TNRC6A: variants seen among roughly 807,000 people sequenced by gnomAD.
The protein encoded by TNRC6A is trinucleotide repeat containing adaptor 6A, also known as trinucleotide repeat-containing gene 6A protein.
TNRC6A carries 44 observed loss-of-function variants against 221.2 expected under a neutral mutation model. The ratio of observed to expected loss-of-function variants is 0.20; its 90% confidence interval spans 0.16 to 0.26. The LOEUF is 0.26. Ranked by LOEUF, TNRC6A falls within the 10% of genes least tolerant of loss-of-function variation. The probability of loss-of-function intolerance (pLI) is 1.00; values close to 1 mark genes in which losing one functional copy is unlikely to be tolerated. For missense variants in TNRC6A, 2,199 were observed against 2,404.4 expected (o/e 0.91, Z 1.79); for synonymous variants, 847 against 838.5 (o/e 1.01, Z -0.18).
rs2058835927 is a variant in TNRC6A, at chr16:24,824,601, C to T, written c.*794C>T. On this transcript the variant is annotated 3_prime_UTR_variant, in exon 25 of 25. Coordinates refer to ENST00000395799, the MANE Select transcript of TNRC6A (RefSeq NM_014494.4). The stretch of plus-strand genomic sequence containing the variant: ...TTTTTGAGAAAAAAAAATGTTTACT[C>T]TTCCATCATTTAAAAAAAATGTAAA... The T allele has an allele frequency of 6.7e-6, 1 of 150,180 alleles. No individual in the cohort carries two copies. Among genetic ancestry groups the T allele is most frequent in the Non-Finnish European group, 1.5e-5 (1 of 67,428 alleles). 9.3% of individuals were successfully genotyped at this position (150,180 alleles called of 1,614,324 possible).
chr16:24,677,055 C>T (rs911028732), intron 2 of TNRC6A, among the ~76,000 whole-genome samples: 1 of 152,046 alleles, frequency 6.6e-6, no homozygotes, highest in African/African-American at 2.4e-5. Context: ...GTCCAGTTAC[C>T]ACCTGAACAT....
intron 4 of TNRC6A, among the ~76,000 whole-genome samples, chr16:24,759,210 A>G (rs2057312847): frequency 9.5e-6 from 1 of 105,446 alleles, no homozygotes; most frequent in Non-Finnish European, 2.0e-5. Context: ...CAGTGGTGGT[A>G]TTCCTAGAGC....
chr16:24,664,149 C>T (rs185375581), intron 2 of TNRC6A: 40 of 304,818 alleles, frequency 1.3e-4, no homozygotes, highest in East Asian at 6.0e-4. Flanking sequence ...CTGGCCAACA[C>T]GGCGAAACCC....
rs375519736 is a variant in TNRC6A at position 24,651,691 on chromosome 16, T to C, written n.402+10682T>C. On this transcript the variant is annotated intron_variant and non_coding_transcript_variant, in intron 2 of 2. Transcript: ENST00000566108. Reference sequence around the variant, plus strand: ...CTGGGCAACATAGTGAGACACCCCCTCCCCCCGCCATCTTAACAAAAGAAA... The same window carrying C: ...CTGGGCAACATAGTGAGACACCCCCCCCCCCCGCCATCTTAACAAAAGAAA... Among the ~76,000 whole-genome samples, 811 of 131,922 alleles carry C rather than the reference T, an allele frequency of 6.1e-3. 5 individuals carry two copies. Among genetic ancestry groups the C allele is most frequent in the African/African-American group, 0.028 (771 of 27,886 alleles). The allele number at this position is 131,922 out of a possible 152,430, so 86.5% of individuals were successfully genotyped here.
Position 24,740,411 on chromosome 16 carries a change from A to T in TNRC6A, c.53+10111A>T, listed in dbSNP as rs530783251. On this transcript the variant is annotated intron_variant, in intron 2 of 24. Transcript: ENST00000395799. ...GCCAGTGTGGACAGTATTGCATTTT[A>T]TAATATTAAGTCTTCCAGTTCACGA... is the stretch of plus-strand genomic sequence containing the variant. 2.0e-5 allele frequency among the ~76,000 whole-genome samples: 3 copies of T among 152,320 alleles called. No individual in the cohort carries two copies. The South Asian group carries it at 6.2e-4, about 32-fold the overall frequency.
intron 2 of TNRC6A, among the ~76,000 whole-genome samples, chr16:24,643,006 T>C (rs1207781456): frequency 6.7e-6 from 1 of 149,592 alleles, no homozygotes; most frequent in African/African-American, 2.5e-5. Flanking sequence ...ATTGCTCCAC[T>C]GCACTCCAGC....
chr16:24,777,210 G>C lies in TNRC6A; in HGVS notation c.441G>C (p.Gln147His). 6.2e-7 allele frequency: 1 copy of C among 1,614,160 alleles called. No individual in the cohort carries two copies. The highest frequency in any genetic ancestry group is 1.1e-5 in the South Asian group (1 of 91,078). Residue 147 changes from glutamine to histidine, a missense_variant, in exon 5 of 25, where the codon CAG (glutamine) becomes CAC (histidine). Gln to His is a conservative substitution (Grantham distance 24). Coordinates refer to ENST00000395799, the MANE Select transcript of TNRC6A (RefSeq NM_014494.4). Reference sequence around the variant, plus strand: ...GATTTCGCCACCAGGAACACAAACAGCTTCTAAAGAGGGGTCAGCATTTTC... The same window carrying C: ...GATTTCGCCACCAGGAACACAAACACCTTCTAAAGAGGGGTCAGCATTTTC... The part of the protein sequence containing the change: ...PPRFRHQEHK[Q>H]LLKRGQHFPV...
chr16:24,791,954 G>A, intron 6 of TNRC6A, 137 bp downstream of exon 6: 2 of 938,318 alleles, frequency 2.1e-6, no homozygotes, highest in East Asian at 6.2e-5. Flanking sequence ...AATTATAGGG[G>A]TGATGTTTAC....
chr16:24,687,547 G>A (rs141654433), intron 2 of TNRC6A, among the ~76,000 whole-genome samples: 1 of 152,288 alleles, frequency 6.6e-6, no homozygotes, highest in East Asian at 1.9e-4. Context: ...CCAACACTTT[G>A]GGAGGCCAAA....
At chr16:24,625,044 T>C in intron 1 of TNRC6A, among the ~76,000 whole-genome samples, 1 of 152,224 alleles carries the variant, frequency 6.6e-6, no homozygotes, top group South Asian at 2.1e-4. Context: ...CCAGAAATCA[T>C]AGACCTGCTC....
intron 2 of TNRC6A, among the ~76,000 whole-genome samples, chr16:24,674,863 C>T (rs2055377096): frequency 6.6e-6 from 1 of 152,104 alleles, no homozygotes; most frequent in Non-Finnish European, 1.5e-5. Flanking sequence ...ACCCACCAGG[C>T]AGTGGTAGCT....
chr16:24,611,626 C>A (rs1900060575), intron 1 of TNRC6A, among the ~76,000 whole-genome samples: 1 of 152,064 alleles, frequency 6.6e-6, no homozygotes, highest in Non-Finnish European at 1.5e-5. Context: ...GAGTTTGAGG[C>A]CACACCTTTG....
At chr16:24,820,112 C>T (rs570217862) in intron 21 of TNRC6A, 27 bp from the exon 22 acceptor site, 5 of 1,587,832 alleles carry the variant, frequency 3.1e-6, no homozygotes, top group Non-Finnish European at 4.3e-6. Context: ...TATTCCTCCC[C>T]TCTCCATTTT....
At chr16:24,631,255 A>G (rs1901323696) in intron 1 of TNRC6A, among the ~76,000 whole-genome samples, 1 of 152,004 alleles carries the variant, frequency 6.6e-6, no homozygotes, top group Non-Finnish European at 1.5e-5. Flanking sequence ...CATGCCCTAC[A>G]ACTGCTTGAG....
At chr16:24,817,716 T>C (rs2058683142) in intron 20 of TNRC6A, among the ~76,000 whole-genome samples, 1 of 152,214 alleles carries the variant, frequency 6.6e-6, no homozygotes, top group African/African-American at 2.4e-5. Context: ...TTAAACAGTT[T>C]ATAAAGCACA....
At chr16:24,729,979 G>C (rs1217384016) in intron 1 of TNRC6A, 133 bp downstream of exon 1, 1 of 853,506 alleles carries the variant, frequency 1.2e-6, no homozygotes, top group Non-Finnish European at 1.5e-6. Flanking sequence ...GCGGGAGGGC[G>C]CAGGCTGCGT....
chr16:24,732,399 G>C (rs1353836843), intron 2 of TNRC6A, among the ~76,000 whole-genome samples: 1 of 152,198 alleles, frequency 6.6e-6, no homozygotes, highest in Non-Finnish European at 1.5e-5. Context: ...AAGAATGTAA[G>C]TAGTTAAATT....
At chr16:24,746,587 CGGT>C (rs1200990065) in intron 2 of TNRC6A, among the ~76,000 whole-genome samples, 1 of 152,146 alleles carries the variant, frequency 6.6e-6, no homozygotes, top group African/African-American at 2.4e-5. Flanking sequence ...TTTTATGCTG[CGGT>C]GTCTATCTTT....
intron 1 of TNRC6A, among the ~76,000 whole-genome samples, chr16:24,619,203 C>G (rs890484183): frequency 1.3e-5 from 2 of 152,164 alleles, no homozygotes; most frequent in African/African-American, 4.8e-5. Context: ...TATCCATAGA[C>G]AATATCCCCA....
Sources: gnomAD v4.1 joint callset for allele counts (sites outside exome capture counted in the v4.1 genomes callset) on GRCh38, gnomAD v4.1.1 for gene constraint, MANE v1.5 for transcripts, NCBI Gene and HGNC (gene_info 2026-07-23, HGNC 2026-07-21) for gene names.